SGPP2: variants seen among roughly 807,000 people sequenced by gnomAD.
The protein encoded by SGPP2 is sphingosine-1-phosphate phosphatase 2, also known as sphingosine 1-phosphate phosphohydrolase 2.
In SGPP2, 30 loss-of-function variants were observed where a neutral mutation model predicts 33.9. The observed-to-expected ratio is 0.89, with a 90% CI of 0.66 to 1.20. The LOEUF is 1.20. Among genes scored for constraint, SGPP2 ranks in the 50% most tolerant of loss-of-function variants. The pLI, the probability that SGPP2 is intolerant of heterozygous loss-of-function variation, is 0.00. For missense variants in SGPP2, 458 were observed against 532.1 expected (o/e 0.86, Z 1.37); for synonymous variants, 233 against 225.0 (o/e 1.04, Z -0.32).
chr2:222,445,660 G>A (rs1247104831), intron 1 of SGPP2, among the ~76,000 whole-genome samples: 14 of 150,640 alleles, frequency 9.3e-5, no homozygotes, highest in Non-Finnish European at 1.6e-4. Flanking sequence ...ACTTTGGAAC[G>A]ATTAGACCAT....
At chr2:222,435,236 T>C (rs545731052) in intron 1 of SGPP2, among the ~76,000 whole-genome samples, 1 of 152,230 alleles carries the variant, frequency 6.6e-6, no homozygotes, top group South Asian at 2.1e-4. Flanking sequence ...GCATCTGGCA[T>C]GGGAGAAGAT....
In SGPP2 at chr2:222,561,319, C is replaced by G. The variant is rs1398763835; in HGVS notation, c.*2421C>G. On this transcript the variant is annotated 3_prime_UTR_variant, in exon 5 of 5. Transcript: ENST00000321276. ...GCCCCTGCAGAGCAGTGGCTGTCAG[C>G]CGGATGCGGCACTTTTCTGTATTTT... Among the ~76,000 whole-genome samples, 2 of 152,020 alleles carry G rather than the reference C, an allele frequency of 1.3e-5. No individual in the cohort carries two copies. Among genetic ancestry groups the G allele is most frequent in the Non-Finnish European group, 2.9e-5 (2 of 68,010 alleles).
chr2:222,549,696 T>C (rs747769930), intron 4 of SGPP2, among the ~76,000 whole-genome samples: 8 of 152,330 alleles, frequency 5.3e-5, no homozygotes, highest in Non-Finnish European at 1.0e-4. Flanking sequence ...TTTAGAACTT[T>C]CTGCATTTGA....
intron 1 of SGPP2, among the ~76,000 whole-genome samples, chr2:222,446,890 G>A (rs1697407001): frequency 6.6e-6 from 1 of 152,324 alleles, no homozygotes; most frequent in East Asian, 1.9e-4. Context: ...AAAAAAGAAG[G>A]ATTGAGTTGT....
intron 4 of SGPP2, among the ~76,000 whole-genome samples, chr2:222,557,724 A>C (rs1036927897): frequency 2.0e-5 from 3 of 152,226 alleles, no homozygotes; most frequent in Non-Finnish European, 2.9e-5. Flanking sequence ...GGGATTAATT[A>C]AATAAAGCAT....
In SGPP2 at chr2:222,430,693, A is replaced by G. The variant is rs150460327; in HGVS notation, c.219+5872A>G. Among the ~76,000 whole-genome samples, 21 of 152,326 alleles carry G rather than the reference A, an allele frequency of 1.4e-4. No homozygotes were observed. In the East Asian group the frequency reaches 3.9e-3, roughly 28 times the overall value. ...TGCGATATAGAAAGAGAAGGGGGAA[A>G]AAAGTAATTTTACAGTGTAGAAACT... On this transcript the variant is annotated intron_variant, in intron 1 of 4. Coordinates refer to ENST00000321276, the MANE Select transcript of SGPP2 (RefSeq NM_152386.4).
At chr2:222,475,656 C>T (rs1486245266) in intron 2 of SGPP2, among the ~76,000 whole-genome samples, 1 of 152,228 alleles carries the variant, frequency 6.6e-6, no homozygotes, top group Non-Finnish European at 1.5e-5. Flanking sequence ...CCCAGGTAGA[C>T]AGGCAGAGCC....
At chr2:222,521,437 G>T (rs1698683417) in intron 2 of SGPP2, among the ~76,000 whole-genome samples, 1 of 152,140 alleles carries the variant, frequency 6.6e-6, no homozygotes, top group South Asian at 2.1e-4. Context: ...GCATTCTCCA[G>T]GTGTTACTAG....
At chr2:222,533,157 G>A in intron 4 of SGPP2, among the ~76,000 whole-genome samples, 1 of 152,202 alleles carries the variant, frequency 6.6e-6, no homozygotes, top group East Asian at 1.9e-4. Context: ...AGGGAAGATA[G>A]AATGTCTTGG....
chr2:222,496,599 A>G (rs548961526), intron 2 of SGPP2, among the ~76,000 whole-genome samples: 3 of 152,156 alleles, frequency 2.0e-5, no homozygotes, highest in Non-Finnish European at 4.4e-5. Flanking sequence ...ATTACCTACA[A>G]GGTCTCTCAC....
intron 2 of SGPP2, among the ~76,000 whole-genome samples, chr2:222,499,724 G>A (rs1168626560): frequency 6.6e-6 from 1 of 152,204 alleles, no homozygotes; most frequent in East Asian, 1.9e-4. Flanking sequence ...TAGATGATGG[G>A]CTGGAAGCTT....
chr2:222,539,034 A>T lies in SGPP2; in HGVS notation c.648+14001A>T, dbSNP rs868781283. Among the ~76,000 whole-genome samples the T allele has an allele frequency of 2.0e-5, 3 of 152,312 alleles. 1 individual carries two copies. The highest frequency in any genetic ancestry group is 6.8e-3 in the Middle Eastern group (2 of 294). The stretch of plus-strand genomic sequence containing the variant: ...TTTCAAAATATAATCATGACTGTCC[A>T]ACAGTCCCCCAAAGTCTTAACTTAT... On this transcript the variant is annotated intron_variant, in intron 4 of 4. Transcript: ENST00000321276.
chr2:222,437,250 A>C (rs542014509), intron 1 of SGPP2, among the ~76,000 whole-genome samples: 1 of 152,258 alleles, frequency 6.6e-6, no homozygotes, highest in African/African-American at 2.4e-5. Context: ...CAGCCAAACC[A>C]TTGGCTACAG....
rs1469937770 is a variant in SGPP2 at position 222,476,380 on chromosome 2, G to C, written c.378+1654G>C. 6.6e-6 allele frequency among the ~76,000 whole-genome samples: 1 copy of C among 152,102 alleles called. No homozygotes were observed. Among genetic ancestry groups the C allele is most frequent in the Admixed American group, 6.5e-5 (1 of 15,286 alleles). On this transcript the variant is annotated intron_variant, in intron 2 of 4. Coordinates refer to ENST00000321276, the MANE Select transcript of SGPP2 (RefSeq NM_152386.4). The surrounding 1 kb of genome is among the most constrained non-coding windows in gnomAD (Gnocchi z 4.3). Reference sequence around the variant, plus strand: ...GTGACAGAGGGACTAGGGAGCAACTGCCCCTGGCTCCACCTGGGACTTCAA... The same window carrying C: ...GTGACAGAGGGACTAGGGAGCAACTCCCCCTGGCTCCACCTGGGACTTCAA...
intron 2 of SGPP2, among the ~76,000 whole-genome samples, chr2:222,480,973 C>G (rs1385913911): frequency 6.6e-6 from 1 of 152,150 alleles, no homozygotes; most frequent in African/African-American, 2.4e-5. Flanking sequence ...AAACCATTAT[C>G]CTCAGCAAAC....
chr2:222,438,873 G>T (rs1697283965), intron 1 of SGPP2, among the ~76,000 whole-genome samples: 1 of 152,200 alleles, frequency 6.6e-6, no homozygotes, highest in Admixed American at 6.5e-5. Context: ...CAGCTCTAAT[G>T]GCTTCCATTT....
At chr2:222,439,276 T>G (rs892926996) in intron 1 of SGPP2, among the ~76,000 whole-genome samples, 1 of 152,194 alleles carries the variant, frequency 6.6e-6, no homozygotes, top group African/African-American at 2.4e-5. Context: ...GGGTCCTTCC[T>G]CAAGGGGACC....
intron 2 of SGPP2, among the ~76,000 whole-genome samples, chr2:222,498,028 G>C (rs1324421878): frequency 6.6e-6 from 1 of 152,104 alleles, no homozygotes; most frequent in African/African-American, 2.4e-5. Flanking sequence ...TGGTAGAAAT[G>C]ACTTTCTTCT....
In SGPP2 at chr2:222,448,955, G is replaced by A. The variant is rs999226376; in HGVS notation, c.219+24134G>A. 1.4e-4 allele frequency among the ~76,000 whole-genome samples: 21 copies of A among 152,286 alleles called. No homozygotes were observed. The East Asian group carries it at 2.9e-3, about 21-fold the overall frequency. On this transcript the variant is annotated intron_variant, in intron 1 of 4. Coordinates refer to ENST00000321276, the MANE Select transcript of SGPP2 (RefSeq NM_152386.4). ...CTGTTCCCCATCTCCAGTGAGCAGC[G>A]AGTAAGAGGAAATGGGTTTAAGCTG...
Sources: gnomAD v4.1 joint callset for allele counts (sites outside exome capture counted in the v4.1 genomes callset) on GRCh38, gnomAD v4.1.1 for gene constraint, Gnocchi (gnomAD v3.1) non-coding constraint, MANE v1.5 for transcripts, NCBI Gene and HGNC (gene_info 2026-07-23, HGNC 2026-07-21) for gene names.